GALNT14: variants seen among roughly 807,000 people sequenced by gnomAD.
GALNT14 encodes UDP-GalNAc:polypeptide N-acetylgalactosaminyltransferase 14.
GALNT14 carries 60 observed loss-of-function variants against 77.5 expected under a neutral mutation model. The ratio of observed to expected loss-of-function variants is 0.77; its 90% CI spans 0.63 to 0.96. The LOEUF is 0.96. Ranked by LOEUF, GALNT14 falls within the 40% of genes least tolerant of loss-of-function variation. The pLI is 0.00. For synonymous variants in GALNT14, 280 were observed against 281.7 expected (o/e 0.99, Z 0.06); for missense variants, 710 against 731.0 (o/e 0.97, Z 0.33).
chr2:30,896,870 T>G, the GALNT14 span, among the ~76,000 whole-genome samples: 12 of 152,064 alleles, frequency 7.9e-5, no homozygotes, highest in Admixed American at 7.9e-4. Context: ...CTATTTTTTT[T>G]GCTCTGACTG....
chr2:30,898,594 G>A, the GALNT14 span, among the ~76,000 whole-genome samples: 1 of 152,224 alleles, frequency 6.6e-6, no homozygotes, highest in Non-Finnish European at 1.5e-5. Context: ...GAGAACTAGA[G>A]GAGCCAGGGT....
chr2:31,059,434 T>A (rs928646708), intron 1 of GALNT14, among the ~76,000 whole-genome samples: 2 of 152,084 alleles, frequency 1.3e-5, no homozygotes, highest in Non-Finnish European at 2.9e-5. Context: ...AACATCTGTG[T>A]CCCCCTAAAA....
At chr2:30,935,968 A>G (rs143365554) in intron 9 of GALNT14, among the ~76,000 whole-genome samples, 1 of 152,218 alleles carries the variant, frequency 6.6e-6, no homozygotes, top group East Asian at 1.9e-4. Context: ...ACAAAAAAGA[A>G]TTGTGTAGAG....
chr2:31,121,494 A>G (rs1678411889), intron 1 of GALNT14, among the ~76,000 whole-genome samples: 1 of 152,226 alleles, frequency 6.6e-6, no homozygotes, highest in Admixed American at 6.5e-5. Context: ...AGTGGAGTAT[A>G]ATATTCCCAA....
chr2:31,110,561 C>A (rs1179076855), intron 1 of GALNT14, among the ~76,000 whole-genome samples: 7 of 152,158 alleles, frequency 4.6e-5, no homozygotes, highest in African/African-American at 9.7e-5. Flanking sequence ...AAGAGAATGG[C>A]AGCAAATGGG....
chr2:30,939,009 C>A (rs1558423085), intron 9 of GALNT14, among the ~76,000 whole-genome samples: 1 of 152,202 alleles, frequency 6.6e-6, no homozygotes, highest in Non-Finnish European at 1.5e-5. Context: ...AATGGAGCCT[C>A]ATATATATTG....
intron 11 of GALNT14, 114 bp downstream of exon 11, chr2:30,929,281 C>T: frequency 1.4e-6 from 1 of 709,880 alleles, no homozygotes; most frequent in South Asian, 1.8e-5. Context: ...GCCTTGGGCC[C>T]TGCGGGAGCT....
intron 10 of GALNT14, among the ~76,000 whole-genome samples, chr2:30,929,696 C>G (rs1233604641): frequency 6.6e-6 from 1 of 152,220 alleles, no homozygotes; most frequent in African/African-American, 2.4e-5. Context: ...CCCCAAGACA[C>G]AAGATTTTAG....
chr2:30,981,698 T>C (rs1468276019), intron 2 of GALNT14, among the ~76,000 whole-genome samples: 1 of 152,192 alleles, frequency 6.6e-6, no homozygotes, highest in Non-Finnish European at 1.5e-5. Context: ...TTCATGTTTC[T>C]GGAAATAGCG....
At chr2:30,980,296 C>T (rs1668907123) in intron 2 of GALNT14, among the ~76,000 whole-genome samples, 1 of 152,216 alleles carries the variant, frequency 6.6e-6, no homozygotes, top group South Asian at 2.1e-4. Flanking sequence ...TCCAGACCTG[C>T]TTTGGCCCAC....
chr2:31,137,921 C>A lies in GALNT14; in HGVS notation c.129+37G>T, dbSNP rs746550614. Reference sequence around the variant, plus strand: ...CGCGGGCTGCGCGCCCTCCCGCAAGCCACCGCTCAGCGCCAGCGCGCCGGC... The same window carrying A: ...CGCGGGCTGCGCGCCCTCCCGCAAGACACCGCTCAGCGCCAGCGCGCCGGC... On this transcript the variant is annotated intron_variant, in intron 1 of 14. Transcript: ENST00000349752. 9.5e-6 allele frequency: 15 copies of A among 1,583,208 alleles called. 1 individual carries two copies. In the South Asian group the frequency reaches 1.7e-4, roughly 18 times the overall value.
intron 9 of GALNT14, among the ~76,000 whole-genome samples, chr2:30,938,378 ACACACACTCT>A (rs1189698069): frequency 6.8e-6 from 1 of 146,252 alleles, no homozygotes; most frequent in East Asian, 1.9e-4. Context: ...ACACACACAC[ACACACACTCT>A]CTCTCTCTCT....
chr2:30,926,788 G>C (rs528370749), intron 11 of GALNT14, among the ~76,000 whole-genome samples: 22 of 152,072 alleles, frequency 1.4e-4, no homozygotes, highest in Admixed American at 7.9e-4. Flanking sequence ...GGCAGCGAAA[G>C]AGGACAGTCC....
chr2:31,016,314 T>G (rs962106325), intron 1 of GALNT14, among the ~76,000 whole-genome samples: 1 of 152,100 alleles, frequency 6.6e-6, no homozygotes, highest in Non-Finnish European at 1.5e-5. Flanking sequence ...ACCAATCAGA[T>G]TGTATTATGC....
At chr2:31,131,099 G>A (rs1678970225) in intron 1 of GALNT14, among the ~76,000 whole-genome samples, 1 of 152,170 alleles carries the variant, frequency 6.6e-6, no homozygotes, top group Non-Finnish European at 1.5e-5. Context: ...AGGAGACTGA[G>A]CCAGGAAGAG....
chr2:30,929,629 C>T, intron 10 of GALNT14, 142 bp from the exon 11 acceptor site: 1 of 643,850 alleles, frequency 1.6e-6, no homozygotes, highest in Non-Finnish European at 2.8e-6. Flanking sequence ...ACTATCATTC[C>T]TGTTCCCAGG....
chr2:31,055,272 G>A (rs951704048), intron 1 of GALNT14, among the ~76,000 whole-genome samples: 10 of 152,328 alleles, frequency 6.6e-5, no homozygotes, highest in South Asian at 4.1e-4. Flanking sequence ...TCAGTGGGGC[G>A]CCAGCATACT....
chr2:30,964,290 C>T (rs541587030), intron 3 of GALNT14, among the ~76,000 whole-genome samples: 4 of 152,192 alleles, frequency 2.6e-5, no homozygotes, highest in Non-Finnish European at 2.9e-5. Flanking sequence ...ATGAACCCCC[C>T]CTGGTGCCCC....
intron 1 of GALNT14, among the ~76,000 whole-genome samples, chr2:31,130,213 C>A (rs1226401909): frequency 2.0e-5 from 3 of 152,244 alleles, no homozygotes; most frequent in Non-Finnish European, 4.4e-5. Context: ...TGCAGGGGAT[C>A]AGATGGCTCT....
Sources: allele counts gnomAD v4.1 joint callset (sites outside exome capture counted in the v4.1 genomes callset), GRCh38; gene constraint gnomAD v4.1.1; transcripts MANE v1.5; gene names NCBI Gene and HGNC (gene_info 2026-07-23, HGNC 2026-07-21).